The following NAV1 variants were observed in gnomAD, a reference collection of about 807,000 sequenced individuals.
NAV1 encodes pore membrane and/or filament interacting like protein 3.
A neutral mutation model predicts 175.2 loss-of-function variants in NAV1; 18 were observed. The ratio of observed to expected loss-of-function variants is 0.10; its 90% CI spans 0.07 to 0.15. NAV1 has a LOEUF of 0.15. NAV1 is among the 10% of genes least tolerant of loss of function. The pLI is 1.00. For synonymous variants in NAV1, 897 were observed against 978.7 expected (o/e 0.92, Z 1.56); for missense variants, 1,731 against 2,436.6 (o/e 0.71, Z 6.10).
intron 3 of NAV1, among the ~76,000 whole-genome samples, chr1:201,769,633 G>C (rs74136670): frequency 6.6e-6 from 1 of 152,106 alleles, no homozygotes; most frequent in Non-Finnish European, 1.5e-5. Flanking sequence ...CTTGGAACCT[G>C]TTTCCAGTTT....
chr1:201,808,441 A>G lies in NAV1; in HGVS notation c.3869A>G (p.His1290Arg). ...AGGGGCCCTGCTCACCCAGCCCCCCACACTAGGCTGTTCCATGCAAATGAG... is the reference window on the plus strand; with the variant it reads ...AGGGGCCCTGCTCACCCAGCCCCCCGCACTAGGCTGTTCCATGCAAATGAG... The change falls in exon 19 of 30, where the codon CAC (histidine) becomes CGC (arginine). Residue 1290 changes from histidine to arginine, a missense_variant. By Grantham distance (29) the His-to-Arg change is conservative. Transcript: ENST00000367296. This position sits in a 1 kb window ranked among gnomAD's most constrained non-coding sequence, Gnocchi z 5.5. The G allele has an allele frequency of 2.5e-6, 4 of 1,613,938 alleles. No individual in the cohort carries two copies. The highest frequency in any genetic ancestry group is 3.4e-6 in the Non-Finnish European group (4 of 1,179,886).
At chr1:201,824,830 G>A (rs933075212) in exon 30 of NAV1, 6 of 152,192 alleles carry the variant, frequency 3.9e-5, no homozygotes, top group East Asian at 1.9e-4. Context: ...TGTTAGAAAC[G>A]AAAATTCTCA....
At chr1:201,733,819 G>T (rs919547831) in intron 3 of NAV1, among the ~76,000 whole-genome samples, 18 of 152,204 alleles carry the variant, frequency 1.2e-4, no homozygotes, top group African/African-American at 4.3e-4. Context: ...TAGCAAGGGG[G>T]CAAGTGGCCA....
intron 29 of NAV1, among the ~76,000 whole-genome samples, 200 bp from the exon 34 acceptor site, chr1:201,819,637 G>C (rs913054120): frequency 1.3e-5 from 2 of 151,918 alleles, no homozygotes; most frequent in African/African-American, 4.8e-5. Flanking sequence ...CGCCTGGCCA[G>C]TTTTTTATTG....
rs369581259 is a variant in NAV1 at position 201,788,014 on chromosome 1, C to G, written c.2996-454C>G. 6.6e-5 allele frequency among the ~76,000 whole-genome samples: 10 copies of G among 152,322 alleles called. No individual in the cohort carries two copies. The East Asian group carries it at 1.5e-3, about 24-fold the overall frequency. ...CAACGGGATCCCGTAGCCCAGCCCC[C>G]TTCTCTAGCTGGTGCTTTTTCATCA... On this transcript the variant is annotated intron_variant, in intron 9 of 29. Transcript: ENST00000367296. The surrounding 1 kb of genome is among the most constrained non-coding windows in gnomAD (Gnocchi z 5.7).
chr1:201,726,145 G>T (rs1255620827), intron 3 of NAV1, among the ~76,000 whole-genome samples: 1 of 152,176 alleles, frequency 6.6e-6, no homozygotes, highest in Admixed American at 6.5e-5. Flanking sequence ...TTGTGGTGTA[G>T]GGAAGAAGCA....
chr1:201,721,300 C>T (rs1019411564), intron 3 of NAV1, among the ~76,000 whole-genome samples: 4 of 152,232 alleles, frequency 2.6e-5, no homozygotes, highest in African/African-American at 4.8e-5. Flanking sequence ...ACCCTTAACA[C>T]GAGTTTGTTA....
chr1:201,606,665 T>C (rs1429194729), intron 2 of NAV1, among the ~76,000 whole-genome samples: 3 of 152,342 alleles, frequency 2.0e-5, no homozygotes, highest in African/African-American at 7.2e-5. Context: ...TCACTTGTTA[T>C]TATCTGTGTT....
At chr1:201,722,051 T>C (rs1672408513) in intron 3 of NAV1, among the ~76,000 whole-genome samples, 1 of 152,220 alleles carries the variant, frequency 6.6e-6, no homozygotes, top group Admixed American at 6.5e-5. Context: ...AGAATAATCA[T>C]ACATGTTTTT....
rs975867177 is a variant in NAV1, at chr1:201,808,349, C to A, written c.3846-69C>A. 12 of 1,518,698 alleles carry A rather than the reference C, an allele frequency of 7.9e-6. No homozygotes were observed. Among genetic ancestry groups the A allele is most frequent in the Non-Finnish European group, 9.8e-6 (11 of 1,126,998 alleles). 94.1% of individuals were successfully genotyped at this position (1,518,698 alleles called of 1,614,324 possible). ...GGAGAAGCCAAGACCACCAACCATGCCTCTCAATATTCTCTAGTAACTCTA... is the reference window on the plus strand; with the variant it reads ...GGAGAAGCCAAGACCACCAACCATGACTCTCAATATTCTCTAGTAACTCTA... On this transcript the variant is annotated intron_variant, in intron 18 of 29. Coordinates refer to ENST00000367296, the Ensembl canonical transcript of NAV1. This position sits in a 1 kb window ranked among gnomAD's most constrained non-coding sequence, Gnocchi z 5.5.
chr1:201,696,526 T>C (rs772854805), intron 1 of NAV1, among the ~76,000 whole-genome samples: 9 of 152,156 alleles, frequency 5.9e-5, no homozygotes, highest in Non-Finnish European at 1.2e-4. Flanking sequence ...GGCAGCCCGA[T>C]GTCTTGGAGG....
At chr1:201,683,185 C>T (rs1198796522) in intron 1 of NAV1, among the ~76,000 whole-genome samples, 1 of 152,116 alleles carries the variant, frequency 6.6e-6, no homozygotes. Flanking sequence ...GAGTACTGGT[C>T]AGGTATTTTG....
chr1:201,602,644 T>G, intron 2 of NAV1, among the ~76,000 whole-genome samples: 1 of 143,956 alleles, frequency 6.9e-6, no homozygotes, highest in South Asian at 2.2e-4. Context: ...TATGTTTTTT[T>G]TTTTTGGTTT....
intron 3 of NAV1, among the ~76,000 whole-genome samples, chr1:201,739,102 A>C (rs1045415145): frequency 4.6e-5 from 7 of 152,126 alleles, no homozygotes; most frequent in Non-Finnish European, 1.0e-4. Flanking sequence ...ACTGGATCCC[A>C]CTGTTTTTTT....
chr1:201,732,653 G>T (rs755700828), intron 3 of NAV1, among the ~76,000 whole-genome samples: 2 of 152,232 alleles, frequency 1.3e-5, no homozygotes, highest in Non-Finnish European at 2.9e-5. Flanking sequence ...GTCATTATCT[G>T]AAAGGAATGC....
chr1:201,765,861 G>A (rs1202900030), intron 3 of NAV1, among the ~76,000 whole-genome samples: 1 of 152,176 alleles, frequency 6.6e-6, no homozygotes, highest in East Asian at 1.9e-4. Flanking sequence ...TAACCAGTCT[G>A]TAGGATTTAA....
Position 201,809,984 on chromosome 1 carries a change from A to G in NAV1, c.4440A>G (p.Gly1480=), listed in dbSNP as rs749615765. ...AAATGGACCCAGCCTCTACCCTGGG[A>G]CTAAGCACTGAGTCCATCCATGGCT... The change falls in exon 23 of 30, where the codon GGA becomes GGG. Residue 1480 remains glycine, a synonymous_variant. Transcript: ENST00000367296. 5 of 1,614,086 alleles carry G rather than the reference A, an allele frequency of 3.1e-6. 1 individual carries two copies. Among genetic ancestry groups the G allele is most frequent in the Admixed American group, 1.7e-5 (1 of 60,020 alleles).
chr1:201,796,039 G>A (rs1437334838), intron 15 of NAV1: 2 of 152,158 alleles, frequency 1.3e-5, no homozygotes, highest in Non-Finnish European at 2.9e-5. Flanking sequence ...CCATTGTGTG[G>A]ATATACCACA....
At chr1:201,708,050 C>T (rs542685205) in intron 1 of NAV1, among the ~76,000 whole-genome samples, 1 of 152,216 alleles carries the variant, frequency 6.6e-6, no homozygotes, top group African/African-American at 2.4e-5. Flanking sequence ...TGTGTGCATG[C>T]ACCTGTCTGT....
Sources: gnomAD v4.1 joint callset for allele counts (sites outside exome capture counted in the v4.1 genomes callset) on GRCh38, gnomAD v4.1.1 for gene constraint, Gnocchi (gnomAD v3.1) non-coding constraint, MANE v1.5 for transcripts, NCBI Gene and HGNC (gene_info 2026-07-23, HGNC 2026-07-21) for gene names.